DGCR2: variants seen among roughly 807,000 people sequenced by gnomAD.
The protein encoded by DGCR2 is integral membrane protein DGCR2/IDD.
Under a neutral mutation model 51.6 loss-of-function variants are expected in DGCR2, and 24 were observed. That is an observed-to-expected ratio of 0.47 (90% confidence interval 0.34 to 0.65). The LOEUF is 0.65. Among genes scored for constraint, DGCR2 ranks in the 30% least tolerant of loss-of-function variants. The probability of loss-of-function intolerance (pLI) is 0.01; values close to 1 mark genes in which losing one functional copy is unlikely to be tolerated. For missense variants in DGCR2, 765 were observed against 772.1 expected, an observed-to-expected ratio of 0.99 and a Z score of 0.11; for synonymous variants, 340 against 315.4, an observed-to-expected ratio of 1.08 and a Z score of -0.82.
At chr22:19,053,983 G>C (rs2082575308) in intron 6 of DGCR2, among the ~76,000 whole-genome samples, 1 of 152,134 alleles carries the variant, frequency 6.6e-6, no homozygotes, top group Admixed American at 6.5e-5. Context: ...CCTGAGGACA[G>C]GTCAACAGAA....
At chr22:19,065,149 C>A in intron 3 of DGCR2, 82 bp from the exon 4 acceptor site, 1 of 1,219,358 alleles carries the variant, frequency 8.2e-7, no homozygotes, top group Non-Finnish European at 1.2e-6. Context: ...CAGGGACAGG[C>A]ACACCTTGTA....
At chr22:19,088,537 GCAAAGCAGACC>G (rs1161175635) in intron 2 of DGCR2, among the ~76,000 whole-genome samples, 1 of 152,214 alleles carries the variant, frequency 6.6e-6, no homozygotes, top group East Asian at 1.9e-4. Context: ...AATCAGGTTG[GCAAAGCAGACC>G]TAAACCAGCT....
In DGCR2 at chr22:19,068,236, AAGG is replaced by A; in HGVS notation, c.203-14_203-12del. 1.3e-6 allele frequency: 2 copies of A among 1,584,512 alleles called. No homozygotes were observed. Among genetic ancestry groups the A allele is most frequent in the Non-Finnish European group, 1.7e-6 (2 of 1,164,662 alleles). On this transcript the variant is annotated splice_polypyrimidine_tract_variant and intron_variant, in intron 2 of 9. Transcript: ENST00000263196. ...CCTCCCCGGTCACTTCTGAAAGCAA[AAGG>A]AGATGTGTGCTGTGAGTCCTGCCTG...
At chr22:19,049,183 T>C (rs2082522858) in intron 6 of DGCR2, among the ~76,000 whole-genome samples, 1 of 152,256 alleles carries the variant, frequency 6.6e-6, no homozygotes, top group Non-Finnish European at 1.5e-5. Context: ...AATTCTAAGA[T>C]GCAGCTGCTA....
chr22:19,071,132 G>A (rs2082810241), intron 2 of DGCR2, among the ~76,000 whole-genome samples: 1 of 152,224 alleles, frequency 6.6e-6, no homozygotes, highest in Non-Finnish European at 1.5e-5. Flanking sequence ...CTGGGGACCT[G>A]GTGCAGGGGT....
At chr22:19,101,094 C>G (rs2158335) in intron 1 of DGCR2, among the ~76,000 whole-genome samples, 74,933 of 151,900 alleles carry the variant, frequency 0.49, 19,608 homozygotes, top group African/African-American at 0.68. Flanking sequence ...CTGGGCATCA[C>G]AGCGAAACCC....
intron 2 of DGCR2, among the ~76,000 whole-genome samples, chr22:19,082,229 T>TC (rs1171011558): frequency 7.7e-5 from 11 of 143,570 alleles, no homozygotes; most frequent in African/African-American, 2.6e-4. Context: ...TTTCTTTTTT[T>TC]TTTTTTTTTT....
intron 1 of DGCR2, 103 bp downstream of exon 1, chr22:19,122,025 G>A (rs547244602): frequency 5.1e-6 from 4 of 785,718 alleles, no homozygotes; most frequent in African/African-American, 1.9e-5. Context: ...CCTGCCCCAG[G>A]CGCGGCCCCT....
At chr22:19,108,040 G>A (rs1280047702) in intron 1 of DGCR2, among the ~76,000 whole-genome samples, 2 of 152,058 alleles carry the variant, frequency 1.3e-5, no homozygotes, top group African/African-American at 2.4e-5. Context: ...GAACACCGCC[G>A]TGTACCTCCT....
At position 19,105,668 on chromosome 22, in the gene DGCR2, T is replaced by C. The variant is rs76728656; in HGVS notation, c.80-16178A>G. Among the ~76,000 whole-genome samples, 449 of 150,774 alleles carry C rather than the reference T, an allele frequency of 3.0e-3. 7 individuals carry two copies. The highest frequency in any genetic ancestry group is 5.2e-3 in the East Asian group (26 of 5,006). ...CTATAACTCCAGAAAGGGACGCGGC[T>C]GGCGATGGAGGAGTGCATCATCAGA... On this transcript the variant is annotated intron_variant, in intron 1 of 9. Coordinates refer to ENST00000263196, the MANE Select transcript of DGCR2 (RefSeq NM_005137.3).
intron 7 of DGCR2, among the ~76,000 whole-genome samples, chr22:19,044,600 G>A (rs1189795264): frequency 6.6e-6 from 1 of 152,208 alleles, no homozygotes; most frequent in Non-Finnish European, 1.5e-5. Context: ...AGAGCAAGCA[G>A]GGGCAGAGGG....
chr22:19,115,376 T>C (rs2083363278), intron 1 of DGCR2, among the ~76,000 whole-genome samples: 1 of 152,082 alleles, frequency 6.6e-6, no homozygotes, highest in African/African-American at 2.4e-5. Context: ...CCACACTTGC[T>C]CTCACCTCTC....
intron 1 of DGCR2, among the ~76,000 whole-genome samples, chr22:19,117,852 G>C (rs1054140366): frequency 2.1e-4 from 32 of 152,230 alleles, no homozygotes; most frequent in African/African-American, 7.7e-4. Context: ...TAAAAAAAAT[G>C]AACCTGTTAA....
intron 1 of DGCR2, among the ~76,000 whole-genome samples, chr22:19,112,692 T>TC (rs1272906412): frequency 7.0e-6 from 1 of 143,594 alleles, no homozygotes; most frequent in East Asian, 2.0e-4. Flanking sequence ...CACCTCAGCC[T>TC]CCCAAAGTGC....
At chr22:19,071,765 C>T (rs73158820) in intron 2 of DGCR2, among the ~76,000 whole-genome samples, 26,639 of 152,202 alleles carry the variant, frequency 0.18, 2,492 homozygotes, top group South Asian at 0.28. Flanking sequence ...ATGGATTACA[C>T]AGAATAGTAC....
chr22:19,076,309 CAT>C (rs1372783876), intron 2 of DGCR2, among the ~76,000 whole-genome samples: 1 of 148,092 alleles, frequency 6.8e-6, no homozygotes, highest in Admixed American at 6.6e-5. Context: ...TACAGGCATG[CAT>C]CACCATACTC....
At chr22:19,065,241 TTC>T (rs1456181956) in intron 3 of DGCR2, 174 bp from the exon 4 acceptor site, 1 of 605,092 alleles carries the variant, frequency 1.7e-6, no homozygotes, top group African/African-American at 1.9e-5. Flanking sequence ...ATGCTCAAGT[TTC>T]TCTAAAACAC....
chr22:19,069,732 G>C (rs1297219550), intron 2 of DGCR2, among the ~76,000 whole-genome samples: 2 of 152,060 alleles, frequency 1.3e-5, no homozygotes, highest in South Asian at 2.1e-4. Flanking sequence ...CATTATTCTA[G>C]AAAAGGCTGC....
At chr22:19,052,452 GAAA>G (rs1262782001) in intron 6 of DGCR2, among the ~76,000 whole-genome samples, 1 of 151,922 alleles carries the variant, frequency 6.6e-6, no homozygotes, top group Non-Finnish European at 1.5e-5. Flanking sequence ...AAGAAAAAAA[GAAA>G]AAAGAAAACA....
Sources: allele counts gnomAD v4.1 joint callset (sites outside exome capture counted in the v4.1 genomes callset), GRCh38; gene constraint gnomAD v4.1.1; transcripts MANE v1.5; gene names NCBI Gene and HGNC (gene_info 2026-07-23, HGNC 2026-07-21).